Variants in CSMD2 observed in about 807,000 individuals in gnomAD.
The protein encoded by CSMD2 is CUB and sushi domain-containing protein 2.
CSMD2 carries 130 observed loss-of-function variants against 398.5 expected under a neutral mutation model. The ratio of observed to expected loss-of-function variants is 0.33; its 90% CI spans 0.28 to 0.38. The LOEUF (loss-of-function observed/expected upper bound fraction) is 0.38. Ranked by LOEUF, CSMD2 falls within the 10% of genes least tolerant of loss-of-function variation. CSMD2 has a pLI of 1.00. For synonymous variants in CSMD2, 1,828 were observed against 1,908.5 expected, an observed-to-expected ratio of 0.96 and a Z score of 1.10; for missense variants, 3,829 against 4,764.9, an observed-to-expected ratio of 0.80 and a Z score of 5.78.
intron 47 of CSMD2, among the ~76,000 whole-genome samples, chr1:33,581,698 A>T (rs1226443031): frequency 6.6e-6 from 1 of 152,150 alleles, no homozygotes; most frequent in African/African-American, 2.4e-5. Context: ...GCTCTTTGAG[A>T]AAGACCTCCC....
At chr1:34,007,721 A>G (rs371704157) in intron 3 of CSMD2, among the ~76,000 whole-genome samples, 18 of 152,356 alleles carry the variant, frequency 1.2e-4, no homozygotes, top group African/African-American at 4.1e-4. Context: ...GGATTGGCTG[A>G]ATAATTATAG....
chr1:33,835,803 T>C (rs542929754), intron 6 of CSMD2, among the ~76,000 whole-genome samples: 5 of 152,080 alleles, frequency 3.3e-5, no homozygotes, highest in African/African-American at 9.6e-5. Context: ...TTGCCATGGG[T>C]TCGAACTTCA....
chr1:34,052,024 C>T (rs561859559), intron 2 of CSMD2, among the ~76,000 whole-genome samples: 3 of 152,064 alleles, frequency 2.0e-5, no homozygotes, highest in South Asian at 4.1e-4. Flanking sequence ...TGTCTTCAAC[C>T]GGGGGTATTG....
At chr1:34,035,833 CAGTT>C (rs1651054869) in intron 2 of CSMD2, among the ~76,000 whole-genome samples, 1 of 151,592 alleles carries the variant, frequency 6.6e-6, no homozygotes. Context: ...TTCAACAACT[CAGTT>C]AGAAAATCCG....
intron 3 of CSMD2, among the ~76,000 whole-genome samples, chr1:33,958,942 C>A (rs1645257927): frequency 6.6e-6 from 1 of 152,140 alleles, no homozygotes; most frequent in Non-Finnish European, 1.5e-5. Context: ...GATATGATAC[C>A]CCTCTGCCCA....
rs1557462076 is a variant in CSMD2, at chr1:34,164,489, C to G, written c.187+422G>C. Among the ~76,000 whole-genome samples, 1 of 152,086 alleles carries G rather than the reference C, an allele frequency of 6.6e-6. No individual in the cohort carries two copies. The highest frequency in any genetic ancestry group is 1.5e-5 in the Non-Finnish European group (1 of 68,026). On this transcript the variant is annotated intron_variant, in intron 1 of 70. Transcript: ENST00000373381. The surrounding 1 kb of genome is among the most constrained non-coding windows in gnomAD (Gnocchi z 6.2). ...AGGGGGCGCACGGTTCCTCTCCAGC[C>G]CCCAGGACCAGCGTGCCTGGCAGAA...
In CSMD2 at chr1:33,749,073, A is replaced by G. The variant is rs556179280; in HGVS notation, c.1847-5467T>C. ...GTTCCTGAGCTCAATGAGGAAAACAAAGCTATCAATACAGACTTCTTTTTT... is the reference window on the plus strand; with the variant it reads ...GTTCCTGAGCTCAATGAGGAAAACAGAGCTATCAATACAGACTTCTTTTTT... On this transcript the variant is annotated intron_variant, in intron 13 of 70. Coordinates refer to ENST00000373381, the MANE Select transcript of CSMD2 (RefSeq NM_001281956.2). Among the ~76,000 whole-genome samples, 14 of 151,180 alleles carry G rather than the reference A, an allele frequency of 9.3e-5. No homozygotes were observed. In the East Asian group the frequency reaches 2.5e-3, roughly 27 times the overall value.
chr1:33,611,007 A>C, intron 41 of CSMD2, 34 bp downstream of exon 41: 1 of 1,593,164 alleles, frequency 6.3e-7, no homozygotes, highest in Non-Finnish European at 8.6e-7. Flanking sequence ...ATGGAGATAG[A>C]CAGAGAAGCA....
chr1:33,909,725 G>A (rs1364787706), intron 5 of CSMD2, among the ~76,000 whole-genome samples: 2 of 152,164 alleles, frequency 1.3e-5, no homozygotes, highest in Non-Finnish European at 2.9e-5. Context: ...ACCGCTCATG[G>A]TCCTGCCAGG....
intron 3 of CSMD2, among the ~76,000 whole-genome samples, chr1:33,957,595 T>G (rs1645210399): frequency 1.3e-5 from 2 of 151,786 alleles, no homozygotes; most frequent in African/African-American, 2.4e-5. Flanking sequence ...TTAATGTCAA[T>G]GAGTTCTACA....
At chr1:33,649,461 TG>T (rs1390914736) in intron 28 of CSMD2, among the ~76,000 whole-genome samples, 1 of 152,118 alleles carries the variant, frequency 6.6e-6, no homozygotes, top group Non-Finnish European at 1.5e-5. Flanking sequence ...CTGGCCAAAA[TG>T]GCGAAACCCT....
At position 34,165,190 on chromosome 1, in the gene CSMD2, A is replaced by T. The variant is rs1641772758; in HGVS notation, c.-93T>A. On this transcript the variant is annotated 5_prime_UTR_variant, in exon 1 of 71. Transcript: ENST00000373381. ...CTGGAGCTTTTTTCTGCTCGGAAAA[A>T]ATCCCGGTACGCGGGAGCCCTGAGC... 8.5e-7 allele frequency: 1 copy of T among 1,169,620 alleles called. No homozygotes were observed. Among genetic ancestry groups the T allele is most frequent in the Non-Finnish European group, 1.1e-6 (1 of 948,262 alleles). 72.5% of individuals were successfully genotyped at this position (1,169,620 alleles called of 1,614,324 possible).
At chr1:33,957,941 GTGTGTGTGTGTGTGTGCACGCACGCA>G (rs1439494111) in intron 3 of CSMD2, among the ~76,000 whole-genome samples, 13 of 151,812 alleles carry the variant, frequency 8.6e-5, no homozygotes, top group South Asian at 2.1e-4. Flanking sequence ...GTGTGTGTGT[GTGTGTGTGTGTGTGTGCACGCACGCA>G]TGTGTGTGTG....
intron 32 of CSMD2, among the ~76,000 whole-genome samples, chr1:33,628,276 A>C (rs995446714): frequency 6.6e-6 from 1 of 152,226 alleles, no homozygotes; most frequent in East Asian, 1.9e-4. Context: ...AGATTAAAAT[A>C]ACGAGAGAAA....
chr1:33,660,326 CCTT>C (rs983986696), intron 26 of CSMD2, among the ~76,000 whole-genome samples: 1 of 152,160 alleles, frequency 6.6e-6, no homozygotes, highest in Non-Finnish European at 1.5e-5. Context: ...TTCCCGCTCA[CCTT>C]TTTTTTTGTT....
At chr1:33,923,540 A>C (rs997801238) in intron 4 of CSMD2, among the ~76,000 whole-genome samples, 8 of 152,174 alleles carry the variant, frequency 5.3e-5, no homozygotes, top group Non-Finnish European at 1.2e-4. Flanking sequence ...ATTTCTCTAC[A>C]GCAATACAAG....
At chr1:33,569,626 C>A in intron 51 of CSMD2, 79 bp from the exon 52 acceptor site, 1 of 1,408,946 alleles carries the variant, frequency 7.1e-7, no homozygotes, top group Admixed American at 2.0e-5. Context: ...AGAACTGTGA[C>A]AAAAATAAGA....
intron 4 of CSMD2, among the ~76,000 whole-genome samples, chr1:33,929,432 CTTTT>C (rs936900076): frequency 0.13 from 12,792 of 99,954 alleles, 561 homozygotes; most frequent in Non-Finnish European, 0.15. Context: ...CAAGCCTATA[CTTTT>C]TTTTTTTTTT....
chr1:34,039,600 T>G (rs932101300), intron 2 of CSMD2, among the ~76,000 whole-genome samples: 1 of 152,184 alleles, frequency 6.6e-6, no homozygotes, highest in African/African-American at 2.4e-5. Flanking sequence ...TACTATGCCA[T>G]GCAGGGCCAC....
Sources: allele counts gnomAD v4.1 joint callset (sites outside exome capture counted in the v4.1 genomes callset), GRCh38; gene constraint gnomAD v4.1.1; non-coding constraint Gnocchi (gnomAD v3.1); transcripts MANE v1.5; gene names NCBI Gene and HGNC (gene_info 2026-07-23, HGNC 2026-07-21).